ABCA6: variants seen among roughly 807,000 people sequenced by gnomAD.
The protein encoded by ABCA6 is ATP binding cassette subfamily A member 6, also known as ATP-binding cassette sub-family A member 6.
In ABCA6, 164 loss-of-function variants were observed where a neutral mutation model predicts 191.2. The observed-to-expected ratio is 0.86, with a 90% CI of 0.76 to 0.98. The LOEUF (loss-of-function observed/expected upper bound fraction) is 0.98. ABCA6 is among the 50% of genes least tolerant of loss of function. ABCA6 has a pLI of 0.00. For missense variants in ABCA6, 1,958 were observed against 1,894.1 expected (o/e 1.03, Z -0.63); for synonymous variants, 636 against 647.7 (o/e 0.98, Z 0.27).
chr17:69,131,983 T>C (rs1174186256), intron 6 of ABCA6, among the ~76,000 whole-genome samples: 3 of 152,188 alleles, frequency 2.0e-5, no homozygotes, highest in African/African-American at 7.2e-5. Flanking sequence ...TCCATTCTTT[T>C]GTATTTCCCA....
Position 69,114,628 on chromosome 17 carries a change from G to A in ABCA6, c.1782+134C>T, listed in dbSNP as rs150906041. 6.2e-4 allele frequency: 490 copies of A among 794,054 alleles called. 2 individuals carry two copies. In the African/African-American group the frequency reaches 7.6e-3, roughly 12 times the overall value. 49.2% of individuals were successfully genotyped at this position (794,054 alleles called of 1,614,324 possible). On this transcript the variant is annotated intron_variant, in intron 13 of 38. Coordinates refer to ENST00000284425, the MANE Select transcript of ABCA6 (RefSeq NM_080284.3). ...ATTTTAACCACTCATTAAAGCAGTC[G>A]ATATTTGTTATGGGACCTCTTTGCC...
At chr17:69,107,652 T>C (rs1162016373) in intron 18 of ABCA6, 44 bp downstream of exon 18, 2 of 1,250,242 alleles carry the variant, frequency 1.6e-6, no homozygotes, top group Non-Finnish European at 2.3e-6. Flanking sequence ...TGACACATGA[T>C]CATTTGGGAA....
intron 37 of ABCA6, among the ~76,000 whole-genome samples, chr17:69,079,845 G>A (rs947458170): frequency 2.6e-5 from 4 of 152,214 alleles, no homozygotes; most frequent in South Asian, 2.1e-4. Context: ...GGAGGAATTA[G>A]TGACATTAAA....
In ABCA6 at chr17:69,110,614, C is replaced by T. The variant is rs146098491; in HGVS notation, c.2272+187G>A. 251 of 596,008 alleles carry T rather than the reference C, an allele frequency of 4.2e-4. 3 individuals carry two copies. The East Asian group carries it at 7.9e-3, about 19-fold the overall frequency. 36.9% of individuals were successfully genotyped at this position (596,008 alleles called of 1,614,324 possible). The stretch of plus-strand genomic sequence containing the variant: ...CTTCCCTCTCTCCTGTCCCCATTAT[C>T]TGCTGGTGCTTCCACGAAGCAACTA... On this transcript the variant is annotated intron_variant, in intron 17 of 38. Coordinates refer to ENST00000284425, the MANE Select transcript of ABCA6 (RefSeq NM_080284.3).
At chr17:69,128,168 C>T (rs1274490731) in intron 8 of ABCA6, among the ~76,000 whole-genome samples, 1 of 152,000 alleles carries the variant, frequency 6.6e-6, no homozygotes, top group East Asian at 1.9e-4. Flanking sequence ...CTGGTGGCAA[C>T]ATCCTATTCC....
chr17:69,137,847 G>T (rs2144725913), intron 2 of ABCA6, among the ~76,000 whole-genome samples: 1 of 152,208 alleles, frequency 6.6e-6, no homozygotes, highest in African/African-American at 2.4e-5. Context: ...TAGAGTTTAT[G>T]GTGGCAAATA....
chr17:69,132,419 C>T (rs2073879384), intron 6 of ABCA6, among the ~76,000 whole-genome samples: 1 of 152,126 alleles, frequency 6.6e-6, no homozygotes, highest in South Asian at 2.1e-4. Context: ...TTCCTATCTG[C>T]TAATCTTACT....
Position 69,096,336 on chromosome 17 carries a change from AC to A in ABCA6, c.3311del (p.Gly1104ValfsTer12). On this transcript the variant is annotated frameshift_variant, in exon 25 of 39. Coordinates refer to ENST00000284425, the MANE Select transcript of ABCA6 (RefSeq NM_080284.3). LOFTEE classifies it high-confidence loss of function. ...IVFALVIVTP[G>X]YAASLVFFIY... ...TGAAGAAGACAAGAGAAGCTGCATA[AC>A]CAGGAGTAACTATAACCTGAGCATA... The A allele has an allele frequency of 6.7e-7, 1 of 1,484,430 alleles. No homozygotes were observed. Among genetic ancestry groups the A allele is most frequent in the Non-Finnish European group, 9.0e-7 (1 of 1,105,406 alleles). The allele number at this position is 1,484,430 out of a possible 1,614,324, so 92.0% of individuals were successfully genotyped here. A position where few individuals can be genotyped will look rare whatever the true frequency, so the allele number is the denominator to read the frequency against.
rs9282554 is a variant in ABCA6, at chr17:69,113,692, T to A, written c.1828A>T (p.Asn610Tyr). ...LELDMQNIQD[N>Y]LAKHLSEGQK... ...CCTTCACTTAAATGTTTAGCAAGGTTATCTTGAATGTTTTGCATGTCCAAT... is the reference window on the plus strand; with the variant it reads ...CCTTCACTTAAATGTTTAGCAAGGTAATCTTGAATGTTTTGCATGTCCAAT... Residue 610 changes from asparagine to tyrosine, a missense_variant, in exon 14 of 39, where the codon AAC (asparagine) becomes TAC (tyrosine). Asn to Tyr is a moderately radical substitution (Grantham distance 143). Transcript: ENST00000284425. The A allele has an allele frequency of 0.062, 100,520 of 1,612,630 alleles. 3,931 individuals are homozygous for A. The highest frequency in any genetic ancestry group is 0.16 in the Admixed American group (9,858 of 59,818).
chr17:69,084,377 C>G (rs771535694), intron 33 of ABCA6, 22 bp from the exon 34 acceptor site: 5 of 1,613,862 alleles, frequency 3.1e-6, no homozygotes, highest in Non-Finnish European at 4.2e-6. Flanking sequence ...AAAAACACCC[C>G]TGTTTGCTGC....
In ABCA6 at chr17:69,096,797, T is replaced by G; in HGVS notation, c.3125A>C (p.Asn1042Thr). 1 of 1,521,732 alleles carries G rather than the reference T, an allele frequency of 6.6e-7. No individual in the cohort carries two copies. Among genetic ancestry groups the G allele is most frequent in the Non-Finnish European group, 8.7e-7 (1 of 1,146,368 alleles). The allele number at this position is 1,521,732 out of a possible 1,614,324, so 94.3% of individuals were successfully genotyped here. Residue 1042 changes from asparagine to threonine, a missense_variant, in exon 24 of 39, where the codon AAT (asparagine) becomes ACT (threonine). Transcript: ENST00000284425. ...TGAAATCCATAGCTGGGACTTAGCA[T>G]TTTTCTGATTAAAAAAAAAAAGAAA... ...TMGSISDYKK[N>T]AKSQLWISGL...
At position 69,083,500 on chromosome 17, in the gene ABCA6, A is replaced by T. The variant is rs561981767; in HGVS notation, c.4356-169T>A. On this transcript the variant is annotated intron_variant, in intron 34 of 38. Coordinates refer to ENST00000284425, the MANE Select transcript of ABCA6 (RefSeq NM_080284.3). The stretch of plus-strand genomic sequence containing the variant: ...AAATAACATTTTTAAGTATTTTTAG[A>T]TGTGCTAATCATATTGTAGTTGAGT... Among the ~76,000 whole-genome samples, 33 of 152,352 alleles carry T rather than the reference A, an allele frequency of 2.2e-4. 1 individual carries two copies. The highest frequency in any genetic ancestry group is 6.8e-3 in the Middle Eastern group (2 of 294).
intron 22 of ABCA6, chr17:69,098,396 T>C (rs1321345258): frequency 6.1e-6 from 1 of 162,690 alleles, no homozygotes; most frequent in Admixed American, 6.4e-5. Flanking sequence ...TATTCAACCT[T>C]AAAAAGGATC....
At chr17:69,117,298 T>C (rs1356980824) in intron 11 of ABCA6, among the ~76,000 whole-genome samples, 5 of 152,064 alleles carry the variant, frequency 3.3e-5, no homozygotes, top group Non-Finnish European at 7.4e-5. Context: ...TAAAAATCAT[T>C]TTTATCCCTC....
intron 10 of ABCA6, 143 bp from the exon 11 acceptor site, chr17:69,118,099 A>G: frequency 2.0e-6 from 1 of 507,742 alleles, no homozygotes. Context: ...TTCAGAAAGA[A>G]AAAACCCTAT....
chr17:69,112,126 T>C, intron 16 of ABCA6, 57 bp downstream of exon 16: 3 of 1,277,344 alleles, frequency 2.3e-6, no homozygotes, highest in Middle Eastern at 1.9e-4. Flanking sequence ...ATTGTCCACC[T>C]TTTTCATATA....
rs2144606053 is a variant in ABCA6, at chr17:69,082,983, GT to G, written c.4505del (p.Asn1502ThrfsTer9). On this transcript the variant is annotated frameshift_variant, in exon 36 of 39. Transcript: ENST00000284425. LOFTEE classifies it high-confidence loss of function. ...RCIGSIQHLK[N>X]KLGKDYILEL... ...CTAGAATGTAATCCTTGCCAAGTTTGTTTTTCAGGTGTTGGATGGAGCCAAT... is the reference window on the plus strand; with the variant it reads ...CTAGAATGTAATCCTTGCCAAGTTTGTTTTCAGGTGTTGGATGGAGCCAAT... The G allele has an allele frequency of 6.2e-7, 1 of 1,614,164 alleles. No homozygotes were observed. Among genetic ancestry groups the G allele is most frequent in the East Asian group, 2.2e-5 (1 of 44,890 alleles).
chr17:69,133,371 T>A (rs1483191467), intron 6 of ABCA6, among the ~76,000 whole-genome samples: 4 of 152,206 alleles, frequency 2.6e-5, no homozygotes, highest in Admixed American at 2.6e-4. Context: ...TTATTCTCTT[T>A]GAACTTCATT....
In ABCA6 at chr17:69,091,151, A is replaced by G. The variant is rs201747493; in HGVS notation, c.3520T>C (p.Leu1174=). 19 of 1,608,332 alleles carry G rather than the reference A, an allele frequency of 1.2e-5. No individual in the cohort carries two copies. Among genetic ancestry groups the G allele is most frequent in the Non-Finnish European group, 1.5e-5 (18 of 1,178,388 alleles). Residue 1174 remains leucine (L), a synonymous_variant, in exon 26 of 39, where the codon TTG becomes CTG. Transcript: ENST00000284425. ...SYTLLGFKTF[L]EVRDQEHYRE... Reference sequence around the variant, plus strand: ...TTGGTAACATTTCTTACCACTTCCAAAAAAGTTTTAAATCCAAGCAAGGTA... The same window carrying G: ...TTGGTAACATTTCTTACCACTTCCAGAAAAGTTTTAAATCCAAGCAAGGTA...
Sources: allele counts gnomAD v4.1 joint callset (sites outside exome capture counted in the v4.1 genomes callset), GRCh38; gene constraint gnomAD v4.1.1; transcripts MANE v1.5; gene names NCBI Gene and HGNC (gene_info 2026-07-23, HGNC 2026-07-21).